DGKI: variants seen among roughly 807,000 people sequenced by gnomAD.
DGKI encodes the protein diacylglycerol kinase iota, also known as DAG kinase iota.
DGKI carries 55 observed loss-of-function variants against 147.5 expected under a neutral mutation model. The ratio of observed to expected loss-of-function variants is 0.37; its 90% CI spans 0.30 to 0.47. The LOEUF is 0.47. Among genes scored for constraint, DGKI ranks in the 20% least tolerant of loss-of-function variants. The pLI is 1.00. For missense variants in DGKI, 1,007 were observed against 1,323.8 expected, an observed-to-expected ratio of 0.76 and a Z score of 3.71; for synonymous variants, 469 against 477.1, an observed-to-expected ratio of 0.98 and a Z score of 0.22.
intron 28 of DGKI, among the ~76,000 whole-genome samples, chr7:137,421,055 T>C (rs1318013770): frequency 6.6e-6 from 1 of 151,880 alleles, no homozygotes; most frequent in African/African-American, 2.4e-5. Flanking sequence ...AAAAATCAGA[T>C]GTAAGAGAAG....
At chr7:137,711,347 T>C (rs1034001759) in intron 1 of DGKI, among the ~76,000 whole-genome samples, 1 of 152,110 alleles carries the variant, frequency 6.6e-6, no homozygotes, top group Admixed American at 6.6e-5. Flanking sequence ...GCAACTCAAA[T>C]GTCAGATGAA....
At chr7:137,647,960 G>A (rs892480568) in intron 5 of DGKI, among the ~76,000 whole-genome samples, 1 of 152,158 alleles carries the variant, frequency 6.6e-6, no homozygotes, top group African/African-American at 2.4e-5. Flanking sequence ...AGGTCAAAGT[G>A]AGGGTCCAAA....
intron 5 of DGKI, among the ~76,000 whole-genome samples, chr7:137,646,774 C>T (rs2129008900): frequency 6.6e-6 from 1 of 152,232 alleles, no homozygotes; most frequent in South Asian, 2.1e-4. Context: ...ATGCAAGGCA[C>T]TGTTCTATTA....
At chr7:137,401,302 T>C (rs914241851) in intron 30 of DGKI, among the ~76,000 whole-genome samples, 1 of 150,822 alleles carries the variant, frequency 6.6e-6, no homozygotes, top group African/African-American at 2.4e-5. Flanking sequence ...GACAGCCAGG[T>C]GGGAGGACTG....
At chr7:137,638,389 C>T (rs1402065813) in intron 6 of DGKI, among the ~76,000 whole-genome samples, 2 of 138,454 alleles carry the variant, frequency 1.4e-5, no homozygotes, top group African/African-American at 2.7e-5. Flanking sequence ...CTATTTTTGC[C>T]CTTTTATGAA....
At chr7:137,392,645 T>G (rs1020209548) in intron 32 of DGKI, among the ~76,000 whole-genome samples, 1 of 152,218 alleles carries the variant, frequency 6.6e-6, no homozygotes, top group East Asian at 1.9e-4. Context: ...GATTTAGCCG[T>G]TAACCACTAG....
At chr7:137,801,584 C>T (rs1797209225) in intron 1 of DGKI, among the ~76,000 whole-genome samples, 1 of 152,124 alleles carries the variant, frequency 6.6e-6, no homozygotes, top group South Asian at 2.1e-4. Flanking sequence ...TCGGAGTGAC[C>T]TGATAGTAAG....
At chr7:137,663,251 A>C (rs942599813) in intron 3 of DGKI, among the ~76,000 whole-genome samples, 2 of 152,188 alleles carry the variant, frequency 1.3e-5, no homozygotes, top group African/African-American at 4.8e-5. Flanking sequence ...TGAGGAGACA[A>C]GAGGAACTTG....
chr7:137,459,152 T>G (rs975259497), intron 27 of DGKI, among the ~76,000 whole-genome samples: 6 of 152,196 alleles, frequency 3.9e-5, no homozygotes, highest in Non-Finnish European at 5.9e-5. Flanking sequence ...CCAATTCCAG[T>G]AATGATAGAA....
intron 1 of DGKI, among the ~76,000 whole-genome samples, chr7:137,822,228 G>A (rs997958650): frequency 7.2e-5 from 11 of 152,172 alleles, no homozygotes; most frequent in South Asian, 4.1e-4. Flanking sequence ...CCAACATGGC[G>A]AAACCCTGTC....
chr7:137,655,568 T>C (rs1412450313), intron 4 of DGKI, among the ~76,000 whole-genome samples: 2 of 152,180 alleles, frequency 1.3e-5, no homozygotes, highest in African/African-American at 4.8e-5. Context: ...AGTAGGCACA[T>C]TGACATTTCG....
chr7:137,422,595 C>CTTTTTTTTTTTTTTT lies in DGKI; in HGVS notation c.2762-10403_2762-10389dup, dbSNP rs60494368. Reference sequence around the variant, plus strand: ...TTGTAAAGCATTTTCTTTTTCTTTTCTTTTTTTTTTTTTTTTTTTTTTTTT... The same window carrying CTTTTTTTTTTTTTTT: ...TTGTAAAGCATTTTCTTTTTCTTTTCTTTTTTTTTTTTTTTTTTTTTTTTTTTTTTTTTTTTTTTT... On this transcript the variant is annotated intron_variant, in intron 28 of 32. Transcript: ENST00000614521. Among the ~76,000 whole-genome samples, 12 of 61,994 alleles carry CTTTTTTTTTTTTTTT rather than the reference C, an allele frequency of 1.9e-4. 2 individuals carry two copies. The highest frequency in any genetic ancestry group is 5.8e-4 in the African/African-American group (9 of 15,408). 40.7% of individuals were successfully genotyped at this position (61,994 alleles called of 152,430 possible).
intron 3 of DGKI, among the ~76,000 whole-genome samples, chr7:137,676,083 G>A (rs892386067): frequency 6.6e-6 from 1 of 152,116 alleles, no homozygotes; most frequent in South Asian, 2.1e-4. Flanking sequence ...GATGACATGC[G>A]CCTCACAGTG....
rs114521239 is a variant in DGKI at position 137,615,887 on chromosome 7, C to T, written c.993+3937G>A. On this transcript the variant is annotated intron_variant, in intron 8 of 32. Coordinates refer to ENST00000614521, the MANE Select transcript of DGKI (RefSeq NM_001321708.2). ...GGTATTACACAAATTAGTTACGTGGCTACAGCAAGGTTATTACGGGCCCAG... is the reference window on the plus strand; with the variant it reads ...GGTATTACACAAATTAGTTACGTGGTTACAGCAAGGTTATTACGGGCCCAG... Among the ~76,000 whole-genome samples the T allele has an allele frequency of 7.9e-3, 1,206 of 152,116 alleles. 22 individuals are homozygous for T. The highest frequency in any genetic ancestry group is 0.027 in the African/African-American group (1,140 of 41,472).
chr7:137,395,773 T>C (rs1003606697), intron 31 of DGKI, 76 bp from the exon 32 acceptor site: 5 of 1,371,762 alleles, frequency 3.6e-6, no homozygotes, highest in Admixed American at 1.7e-5. Context: ...GGAGCTGATG[T>C]AGGGTGCTCC....
chr7:137,706,005 G>A (rs1046108388), intron 1 of DGKI, among the ~76,000 whole-genome samples: 1 of 151,830 alleles, frequency 6.6e-6, no homozygotes, highest in Non-Finnish European at 1.5e-5. Context: ...ATTCCTACTA[G>A]GCACCAAGCA....
intron 1 of DGKI, among the ~76,000 whole-genome samples, chr7:137,821,412 A>T (rs1456530458): frequency 6.6e-6 from 1 of 152,226 alleles, no homozygotes; most frequent in Non-Finnish European, 1.5e-5. Context: ...GAGAATTGGG[A>T]AAGATGAAAT....
rs531368183 is a variant in DGKI, at chr7:137,606,893, T to C, written c.1167+2073A>G. Among the ~76,000 whole-genome samples, 6 of 152,312 alleles carry C rather than the reference T, an allele frequency of 3.9e-5. No individual in the cohort carries two copies. The South Asian group carries it at 1.2e-3, about 32-fold the overall frequency. ...ATCCTATTATACAATTATTTAACTATGTGCCGTGTTCTAGAAATCACAGAT... is the reference window on the plus strand; with the variant it reads ...ATCCTATTATACAATTATTTAACTACGTGCCGTGTTCTAGAAATCACAGAT... On this transcript the variant is annotated intron_variant, in intron 10 of 32. Coordinates refer to ENST00000614521, the MANE Select transcript of DGKI (RefSeq NM_001321708.2).
chr7:137,602,755 C>T (rs1162956357), intron 10 of DGKI, among the ~76,000 whole-genome samples: 1 of 151,970 alleles, frequency 6.6e-6, no homozygotes, highest in East Asian at 1.9e-4. Context: ...TCATTTCTTC[C>T]TCAATAGTAG....
Sources: gnomAD v4.1 joint callset for allele counts (sites outside exome capture counted in the v4.1 genomes callset) on GRCh38, gnomAD v4.1.1 for gene constraint, MANE v1.5 for transcripts, NCBI Gene and HGNC (gene_info 2026-07-23, HGNC 2026-07-21) for gene names.